Variants in GALNT5 observed in about 807,000 individuals in gnomAD.
GALNT5 encodes polypeptide N-acetylgalactosaminyltransferase 5.
A neutral mutation model predicts 85.4 loss-of-function variants in GALNT5; 72 were observed. The observed-to-expected ratio is 0.84, with a 90% CI of 0.70 to 1.03. GALNT5 has a LOEUF of 1.03. Ranked by LOEUF, GALNT5 falls within the 50% of genes least tolerant of loss-of-function variation. GALNT5 has a pLI of 0.00. For synonymous variants in GALNT5, 404 were observed against 397.0 expected (o/e 1.02, Z -0.21); for missense variants, 1,137 against 1,135.5 (o/e 1.00, Z -0.02).
intron 1 of GALNT5, among the ~76,000 whole-genome samples, chr2:157,267,969 T>C (rs920934663): frequency 1.3e-5 from 2 of 152,152 alleles, no homozygotes; most frequent in Non-Finnish European, 2.9e-5. Flanking sequence ...GAGAAAAGAA[T>C]AAAATCCCAG....
chr2:157,299,797 G>C, intron 6 of GALNT5, 132 bp downstream of exon 6: 1 of 501,170 alleles, frequency 2.0e-6, no homozygotes, highest in South Asian at 3.8e-5. Context: ...TAGGGTCTCT[G>C]GATTAATTTT....
At chr2:157,310,413 A>G (rs546452362) in intron 9 of GALNT5, among the ~76,000 whole-genome samples, 9 of 152,322 alleles carry the variant, frequency 5.9e-5, no homozygotes, top group South Asian at 4.1e-4. Context: ...ATCCTTGACA[A>G]TACTCAAGCA....
rs932703144 is a variant in GALNT5 at position 157,316,580 on chromosome 2, C to A, written c.*5232C>A. On this transcript the variant is annotated 3_prime_UTR_variant, in exon 10 of 10. Transcript: ENST00000259056. ...TTTGCAACAACTTTTGCATGGGTTA[C>A]TCAATAGTTGCTACAAGACAAAATG... Among the ~76,000 whole-genome samples the A allele has an allele frequency of 6.6e-6, 1 of 151,864 alleles. No homozygotes were observed. The highest frequency in any genetic ancestry group is 6.6e-5 in the Admixed American group (1 of 15,236).
chr2:157,291,420 T>TA (rs1683094744), intron 3 of GALNT5, among the ~76,000 whole-genome samples: 1 of 152,192 alleles, frequency 6.6e-6, no homozygotes, highest in African/African-American at 2.4e-5. Context: ...CTGCTGCAGG[T>TA]AAAAATTTTT....
chr2:157,308,627 C>G lies in GALNT5; in HGVS notation c.2581C>G (p.Pro861Ala). Residue 861 changes from proline to alanine, a missense_variant, in exon 9 of 10, where the codon CCC (proline) becomes GCC (alanine). Physicochemically the swap from Pro to Ala is conservative, Grantham distance 27 (BLOSUM62 -1). Transcript: ENST00000259056. ...LIKCGEWCIA[P>A]IPDKGAVRLH... is the part of the protein sequence containing the mutation. ...TAAATGTGGAGAATGGTGTATAGCC[C>G]CCATCCCTGATAAAGGAGCCGTAAG... The G allele has an allele frequency of 6.2e-7, 1 of 1,613,244 alleles. No individual in the cohort carries two copies. Among genetic ancestry groups the G allele is most frequent in the Non-Finnish European group, 8.5e-7 (1 of 1,179,260 alleles).
At chr2:157,290,267 G>A (rs749487563) in intron 3 of GALNT5, among the ~76,000 whole-genome samples, 1 of 151,858 alleles carries the variant, frequency 6.6e-6, no homozygotes, top group South Asian at 2.1e-4. Context: ...TAGACAGCAG[G>A]GTCTGTGGCC....
intron 7 of GALNT5, among the ~76,000 whole-genome samples, chr2:157,304,550 A>G (rs1395784815): frequency 6.6e-6 from 1 of 152,186 alleles, no homozygotes; most frequent in Non-Finnish European, 1.5e-5. Flanking sequence ...TCCCTTTGCT[A>G]ATGGGCAAAT....
chr2:157,285,966 G>A (rs369538720), intron 2 of GALNT5, 49 bp from the exon 3 acceptor site: 162 of 1,456,904 alleles, frequency 1.1e-4, no homozygotes, highest in East Asian at 5.8e-4. Flanking sequence ...GATACTATCC[G>A]GACTTACTTA....
intron 1 of GALNT5, among the ~76,000 whole-genome samples, chr2:157,263,116 C>A (rs184302350): frequency 6.6e-6 from 1 of 151,614 alleles, no homozygotes; most frequent in South Asian, 2.1e-4. Flanking sequence ...CGTGAGCCAC[C>A]GCATCCGGCC....
rs1176263103 is a variant in GALNT5 at position 157,259,045 on chromosome 2, T to C, written c.963T>C (p.His321=). Residue 321 remains histidine (H), a synonymous_variant, in exon 1 of 10, where the codon CAT becomes CAC. Transcript: ENST00000259056. ...HGKKLNFSES[H]LVIITKEEEQ... ...AGAAACTCAATTTCTCTGAAAGCCA[T>C]CTTGTGATTATAACCAAAGAGGAAG... is the stretch of plus-strand genomic sequence containing the variant. 1.8e-5 allele frequency: 27 copies of C among 1,474,798 alleles called. No homozygotes were observed. Among genetic ancestry groups the C allele is most frequent in the Non-Finnish European group, 2.4e-5 (27 of 1,111,228 alleles). 91.4% of individuals were successfully genotyped at this position (1,474,798 alleles called of 1,614,324 possible).
chr2:157,258,109 A>C lies in GALNT5; in HGVS notation c.27A>C (p.Arg9=), dbSNP rs200904524. The C allele has an allele frequency of 5.4e-5, 87 of 1,613,956 alleles. No individual in the cohort carries two copies. The highest frequency in any genetic ancestry group is 1.3e-4 in the Admixed American group (8 of 60,014). MNRIRKFF[R]GSGRVLAFIF... is the part of the protein sequence containing the mutation. ...TGAACAGGATCCGAAAGTTTTTCCG[A>C]GGAAGTGGGCGAGTCTTGGCATTTA... Residue 9 remains arginine (R), a synonymous_variant, in exon 1 of 10, where the codon CGA becomes CGC. Coordinates refer to ENST00000259056, the MANE Select transcript of GALNT5 (RefSeq NM_014568.3).
chr2:157,307,134 G>A (rs1683470851), intron 8 of GALNT5, among the ~76,000 whole-genome samples: 1 of 152,146 alleles, frequency 6.6e-6, no homozygotes, highest in Non-Finnish European at 1.5e-5. Flanking sequence ...ATGCTGAGAG[G>A]CAAAAGTATA....
Position 157,258,528 on chromosome 2 carries a change from C to T in GALNT5, c.446C>T (p.Thr149Ile), listed in dbSNP as rs1200655739. The change falls in exon 1 of 10, where the codon ACC (threonine) becomes ATC (isoleucine). Residue 149 changes from threonine (T) to isoleucine (I), a missense_variant. By Grantham distance (89) the Thr-to-Ile change is moderately conservative. Coordinates refer to ENST00000259056, the MANE Select transcript of GALNT5 (RefSeq NM_014568.3). ...PNKQKTDGRG[T>I]KPEASSHQGT... ...AAGCAGAAGACAGACGGGAGAGGCA[C>T]CAAACCTGAAGCCTCCTCTCACCAG... The T allele has an allele frequency of 1.1e-5, 18 of 1,612,288 alleles. No individual in the cohort carries two copies. Among genetic ancestry groups the T allele is most frequent in the Admixed American group, 5.0e-5 (3 of 59,780 alleles).
chr2:157,272,214 T>G (rs1682604586), intron 1 of GALNT5, among the ~76,000 whole-genome samples: 1 of 152,164 alleles, frequency 6.6e-6, no homozygotes. Context: ...CTCATAAATA[T>G]GATTCTGTCC....
chr2:157,291,848 A>G (rs1192071374), intron 3 of GALNT5, among the ~76,000 whole-genome samples: 1 of 152,046 alleles, frequency 6.6e-6, no homozygotes, highest in Non-Finnish European at 1.5e-5. Flanking sequence ...ATAGTTAACA[A>G]TAGTTTATTA....
At chr2:157,275,602 T>C (rs1263608567) in intron 1 of GALNT5, among the ~76,000 whole-genome samples, 1 of 152,226 alleles carries the variant, frequency 6.6e-6, no homozygotes, top group Non-Finnish European at 1.5e-5. Flanking sequence ...GAATCGGAGT[T>C]CACTAATGAT....
At chr2:157,269,040 T>C (rs1342795839) in intron 1 of GALNT5, among the ~76,000 whole-genome samples, 1 of 152,162 alleles carries the variant, frequency 6.6e-6, no homozygotes, top group East Asian at 1.9e-4. Flanking sequence ...TGGTGTAGGA[T>C]AACTTGAAAT....
intron 5 of GALNT5, among the ~76,000 whole-genome samples, chr2:157,297,418 G>A (rs1683238287): frequency 1.3e-5 from 2 of 152,234 alleles, no homozygotes; most frequent in Admixed American, 6.5e-5. Flanking sequence ...TTAAAGAGAT[G>A]GGGAAATTTA....
At chr2:157,267,675 G>A (rs1199554683) in intron 1 of GALNT5, among the ~76,000 whole-genome samples, 1 of 152,160 alleles carries the variant, frequency 6.6e-6, no homozygotes, top group Non-Finnish European at 1.5e-5. Flanking sequence ...GACTATTGTT[G>A]AAGTGGTGAA....
Sources: gnomAD v4.1 joint callset for allele counts (sites outside exome capture counted in the v4.1 genomes callset) on GRCh38, gnomAD v4.1.1 for gene constraint, MANE v1.5 for transcripts, NCBI Gene and HGNC (gene_info 2026-07-23, HGNC 2026-07-21) for gene names.